Variants in ASXL2 observed in about 807,000 individuals in gnomAD.
ASXL2 encodes the protein putative Polycomb group protein ASXL2.
Under a neutral mutation model 122.0 loss-of-function variants are expected in ASXL2, and 23 were observed. The ratio of observed to expected loss-of-function variants is 0.19; its 90% CI spans 0.14 to 0.27. ASXL2 has a LOEUF of 0.27. ASXL2 is among the 10% of genes least tolerant of loss of function. The pLI, the probability that ASXL2 is intolerant of heterozygous loss-of-function variation, is 1.00. For synonymous variants in ASXL2, 650 were observed against 637.0 expected (o/e 1.02, Z -0.31); for missense variants, 1,518 against 1,713.8 (o/e 0.89, Z 2.02).
intron 1 of ASXL2, among the ~76,000 whole-genome samples, chr2:25,855,138 A>C (rs1414254589): frequency 6.6e-6 from 1 of 152,190 alleles, no homozygotes; most frequent in Admixed American, 6.5e-5. Context: ...CACTCAACAA[A>C]ATAGCAAAGA....
Position 25,771,449 on chromosome 2 carries a change from T to C in ASXL2, c.495A>G (p.Ala165=), listed in dbSNP as rs2088452825. ...ISPSQKHSKK[A]LKQALKQQQQ... Reference sequence around the variant, plus strand: ...GACTAGCAATGCTTACCTGCTTTAGTGCCTTCTTGCTGTGCTTCTGTGATG... The same window carrying C: ...GACTAGCAATGCTTACCTGCTTTAGCGCCTTCTTGCTGTGCTTCTGTGATG... The change falls in exon 6 of 13, where the codon GCA becomes GCG. Residue 165 remains alanine (A), a synonymous_variant. Transcript: ENST00000435504. The C allele has an allele frequency of 6.2e-7, 1 of 1,612,504 alleles. No homozygotes were observed. The highest frequency in any genetic ancestry group is 2.2e-5 in the East Asian group (1 of 44,848).
In ASXL2 at chr2:25,740,936, G is replaced by T. The variant is rs957432081; in HGVS notation, c.*1093C>A. 2 of 192,570 alleles carry T rather than the reference G, an allele frequency of 1.0e-5. No homozygotes were observed. The highest frequency in any genetic ancestry group is 2.2e-5 in the Non-Finnish European group (2 of 92,336). The allele number at this position is 192,570 out of a possible 1,614,324, so 11.9% of individuals were successfully genotyped here. On this transcript the variant is annotated 3_prime_UTR_variant, in exon 13 of 13. Transcript: ENST00000435504. The stretch of plus-strand genomic sequence containing the variant: ...AACAGAATGAACAAATGTGGCATTG[G>T]TGAGCTTTTCTACCTGCAACAGCAG...
At chr2:25,832,595 T>C (rs2089466585) in intron 3 of ASXL2, among the ~76,000 whole-genome samples, 1 of 151,892 alleles carries the variant, frequency 6.6e-6, no homozygotes, top group African/African-American at 2.4e-5. Context: ...TTCTAAACTA[T>C]GCAGTTTACA....
chr2:25,878,066 C>T, intron 1 of ASXL2, 100 bp downstream of exon 1: 1 of 1,499,536 alleles, frequency 6.7e-7, no homozygotes, highest in Non-Finnish European at 9.3e-7. Context: ...TGTGCCCCTT[C>T]AGCCGGGTCC....
At chr2:25,859,780 A>T (rs1004094963) in intron 1 of ASXL2, among the ~76,000 whole-genome samples, 1 of 152,234 alleles carries the variant, frequency 6.6e-6, no homozygotes, top group Admixed American at 6.5e-5. Flanking sequence ...CTCAGACTAC[A>T]GTGGAATTTA....
intron 5 of ASXL2, among the ~76,000 whole-genome samples, chr2:25,783,220 A>C (rs1411621452): frequency 6.6e-6 from 1 of 152,166 alleles, no homozygotes; most frequent in African/African-American, 2.4e-5. Context: ...GGGGAGTTCT[A>C]ACACAGGTCT....
intron 11 of ASXL2, 132 bp downstream of exon 11, chr2:25,753,402 A>G: frequency 1.7e-6 from 1 of 605,358 alleles, no homozygotes; most frequent in Non-Finnish European, 2.7e-6. Flanking sequence ...AGTGAGACAA[A>G]AAAAAAAACA....
At chr2:25,754,799 C>T (rs1051466051) in intron 10 of ASXL2, among the ~76,000 whole-genome samples, 25 of 151,198 alleles carry the variant, frequency 1.7e-4, no homozygotes, top group South Asian at 6.2e-4. Flanking sequence ...AGAAAGGTAC[C>T]GGTAGAACTG....
At chr2:25,788,683 G>T (rs904182197) in intron 5 of ASXL2, among the ~76,000 whole-genome samples, 1 of 152,120 alleles carries the variant, frequency 6.6e-6, no homozygotes, top group Non-Finnish European at 1.5e-5. Context: ...CCTTTCTGTG[G>T]TCACTAACGG....
intron 3 of ASXL2, chr2:25,822,390 G>A (rs1210917886): frequency 3.6e-5 from 8 of 221,090 alleles, no homozygotes; most frequent in South Asian, 9.3e-5. Flanking sequence ...AGTCGTCACC[G>A]GAGAGAAGTC....
intron 6 of ASXL2, among the ~76,000 whole-genome samples, chr2:25,769,255 T>C (rs1205485239): frequency 6.6e-6 from 1 of 152,216 alleles, no homozygotes; most frequent in Admixed American, 6.5e-5. Context: ...TTTCAATCAT[T>C]TCTAGAAATG....
chr2:25,779,721 T>A lies in ASXL2; in HGVS notation c.404-8181A>T, dbSNP rs1398434070. On this transcript the variant is annotated intron_variant, in intron 5 of 12. Transcript: ENST00000435504. ...TTAAAAATTTTAAATTATGTAACGTTACAAAACATATTACTTTCATATAAG... is the reference window on the plus strand; with the variant it reads ...TTAAAAATTTTAAATTATGTAACGTAACAAAACATATTACTTTCATATAAG... 2.0e-5 allele frequency among the ~76,000 whole-genome samples: 3 copies of A among 152,244 alleles called. No individual in the cohort carries two copies. In the South Asian group the frequency reaches 6.2e-4, roughly 31 times the overall value.
rs1399548423 is a variant in ASXL2 at position 25,742,570 on chromosome 2, A to G, written c.3767T>C (p.Phe1256Ser). 2.5e-6 allele frequency: 4 copies of G among 1,613,812 alleles called. No homozygotes were observed. The highest frequency in any genetic ancestry group is 3.4e-6 in the Non-Finnish European group (4 of 1,179,890). ...ATCTCTGGCTAGGGTCTTTTCATCA[A>G]ATGTTTGGCCTCTAGTGAACAGGTA... Reference protein sequence around the residue: ...ENYLFTRGQTFDEKTLARDLI... With the variant: ...ENYLFTRGQTSDEKTLARDLI... Residue 1256 changes from phenylalanine to serine, a missense_variant, in exon 13 of 13, where the codon TTT (phenylalanine) becomes TCT (serine). Phe to Ser is a radical substitution (Grantham distance 155). Transcript: ENST00000435504.
At chr2:25,799,336 A>T (rs2088960180) in intron 5 of ASXL2, 49 bp downstream of exon 5, 1 of 1,613,062 alleles carries the variant, frequency 6.2e-7, no homozygotes, top group Non-Finnish European at 8.5e-7. Flanking sequence ...TAACAAGGGC[A>T]TTTGTCCTAC....
chr2:25,845,359 T>C, intron 2 of ASXL2, 122 bp downstream of exon 2: 1 of 1,374,542 alleles, frequency 7.3e-7, no homozygotes, highest in Non-Finnish European at 9.9e-7. Context: ...ATCTGACATC[T>C]GATCAGAACA....
intron 5 of ASXL2, among the ~76,000 whole-genome samples, chr2:25,792,841 C>T (rs1413355080): frequency 1.3e-5 from 2 of 151,752 alleles, no homozygotes; most frequent in African/African-American, 2.4e-5. Flanking sequence ...CCTTAACTCA[C>T]GTGATCTGCC....
intron 5 of ASXL2, among the ~76,000 whole-genome samples, chr2:25,781,461 C>T (rs1269498884): frequency 3.3e-5 from 5 of 152,034 alleles, no homozygotes; most frequent in African/African-American, 4.8e-5. Flanking sequence ...ATGTTGTTAC[C>T]GCAAATATAT....
rs147988660 is a variant in ASXL2 at position 25,831,247 on chromosome 2, G to A, written c.143+4291C>T. 6.4e-3 allele frequency among the ~76,000 whole-genome samples: 957 copies of A among 149,278 alleles called. 15 individuals are homozygous for A. The highest frequency in any genetic ancestry group is 0.022 in the African/African-American group (907 of 40,410). On this transcript the variant is annotated intron_variant, in intron 3 of 12. Coordinates refer to ENST00000435504, the MANE Select transcript of ASXL2 (RefSeq NM_018263.6). ...GATCCTGGGAGGCAGAGGTTGCAGT[G>A]AGCAGAGATCACATCACTGCACTCC...
rs10579555 is a variant in ASXL2, at chr2:25,744,935, C to CCACACACACACA, written c.1861-471_1861-460dup. ...GGGAAAATACTTGCTCTTCTCTGTT[C>CCACACACACACA]CACACACACACACACACACACACAC... On this transcript the variant is annotated intron_variant, in intron 12 of 12. Transcript: ENST00000435504. This position sits in a 1 kb window ranked among gnomAD's most constrained non-coding sequence, Gnocchi z 4.7. Among the ~76,000 whole-genome samples the CCACACACACACA allele has an allele frequency of 1.7e-4, 23 of 138,338 alleles. No individual in the cohort carries two copies. The highest frequency in any genetic ancestry group is 1.5e-3 in the East Asian group (7 of 4,578). 90.8% of individuals were successfully genotyped at this position (138,338 alleles called of 152,430 possible).
Sources: gnomAD v4.1 joint callset for allele counts (sites outside exome capture counted in the v4.1 genomes callset) on GRCh38, gnomAD v4.1.1 for gene constraint, Gnocchi (gnomAD v3.1) non-coding constraint, MANE v1.5 for transcripts, NCBI Gene and HGNC (gene_info 2026-07-23, HGNC 2026-07-21) for gene names.